CPNE4: variants seen among roughly 807,000 people sequenced by gnomAD.
CPNE4 encodes the protein copine 4.
In CPNE4, 25 loss-of-function variants were observed where a neutral mutation model predicts 67.9. The observed-to-expected ratio is 0.37, with a 90% CI of 0.27 to 0.51. CPNE4 has a LOEUF of 0.51. Ranked by LOEUF, CPNE4 falls within the 20% of genes least tolerant of loss-of-function variation. CPNE4 has a pLI of 0.93. For synonymous variants in CPNE4, 242 were observed against 244.9 expected (o/e 0.99, Z 0.11); for missense variants, 464 against 690.8 (o/e 0.67, Z 3.68).
chr3:131,854,402 TGGG>T (rs1363884452), intron 2 of CPNE4, among the ~76,000 whole-genome samples: 1 of 152,038 alleles, frequency 6.6e-6, no homozygotes, highest in African/African-American at 2.4e-5. Context: ...AAGATTTACT[TGGG>T]TGATGAAACT....
At chr3:131,875,751 CA>C (rs2087419141) in intron 2 of CPNE4, among the ~76,000 whole-genome samples, 2 of 151,996 alleles carry the variant, frequency 1.3e-5, no homozygotes, top group African/African-American at 4.8e-5. Flanking sequence ...TGAATGGGTG[CA>C]GCAGCACACC....
intron 7 of CPNE4, among the ~76,000 whole-genome samples, chr3:131,601,313 A>G (rs1939194061): frequency 6.6e-6 from 1 of 152,130 alleles, no homozygotes; most frequent in African/African-American, 2.4e-5. Flanking sequence ...ACTACAATAG[A>G]CTAGGAATTG....
intron 2 of CPNE4, among the ~76,000 whole-genome samples, chr3:131,793,662 A>C (rs373955994): frequency 9.9e-5 from 15 of 152,150 alleles, no homozygotes; most frequent in African/African-American, 3.6e-4. Context: ...CTGCCTATGG[A>C]CTTTTTCACT....
chr3:131,886,982 G>C (rs1221822590), intron 2 of CPNE4, among the ~76,000 whole-genome samples: 5 of 152,280 alleles, frequency 3.3e-5, no homozygotes, highest in Middle Eastern at 3.4e-3. Context: ...AAGACTTTGG[G>C]GGACTGTCGG....
At chr3:131,591,559 G>A (rs769340905) in intron 7 of CPNE4, among the ~76,000 whole-genome samples, 1 of 152,146 alleles carries the variant, frequency 6.6e-6, no homozygotes. Context: ...TGACCAGCAG[G>A]CCTCCCTGAG....
In CPNE4 at chr3:131,905,195, T is replaced by A. The variant is rs541975436; in HGVS notation, c.180+69A>T. On this transcript the variant is annotated intron_variant, in intron 2 of 15. Coordinates refer to ENST00000429747, the MANE Select transcript of CPNE4 (RefSeq NM_130808.3). ...CATCAAAATAAACCACCTGAAGATA[T>A]AAAATATCAAAACATTTTTGAGCCA... The A allele has an allele frequency of 8.0e-6, 11 of 1,373,194 alleles. No homozygotes were observed. The South Asian group carries it at 8.2e-5, about 10-fold the overall frequency. 85.1% of individuals were successfully genotyped at this position (1,373,194 alleles called of 1,614,324 possible).
chr3:131,567,824 GAA>G (rs748452089), intron 10 of CPNE4, among the ~76,000 whole-genome samples: 4 of 152,006 alleles, frequency 2.6e-5, no homozygotes, highest in African/African-American at 4.8e-5. Context: ...TGAAGATAAT[GAA>G]ACAAGGTACA....
At chr3:132,017,986 C>T (rs1421585709) in intron 1 of CPNE4, among the ~76,000 whole-genome samples, 1 of 152,008 alleles carries the variant, frequency 6.6e-6, no homozygotes, top group East Asian at 1.9e-4. Context: ...CCTAAAGACC[C>T]AGATGCTCAA....
chr3:131,765,628 C>A lies in CPNE4; in HGVS notation c.181-42003G>T, dbSNP rs138801345. On this transcript the variant is annotated intron_variant, in intron 2 of 15. Coordinates refer to ENST00000429747, the MANE Select transcript of CPNE4 (RefSeq NM_130808.3). ...TCAAGGTCCTTTACTATAGTCTAAT[C>A]ATCTTTGCTTGATCAATAGGTTTTC... is the stretch of plus-strand genomic sequence containing the variant. Among the ~76,000 whole-genome samples the A allele has an allele frequency of 9.3e-3, 1,420 of 152,210 alleles. 10 individuals carry two copies. Among genetic ancestry groups the A allele is most frequent in the Non-Finnish European group, 0.014 (930 of 68,010 alleles).
At chr3:131,634,526 A>G (rs138231289) in intron 7 of CPNE4, among the ~76,000 whole-genome samples, 121 of 152,288 alleles carry the variant, frequency 7.9e-4, no homozygotes, top group African/African-American at 2.5e-3. Flanking sequence ...TTTAGAGGCC[A>G]GTAATATCCA....
intron 7 of CPNE4, among the ~76,000 whole-genome samples, chr3:131,661,963 A>G (rs990483273): frequency 2.0e-5 from 3 of 152,084 alleles, no homozygotes; most frequent in African/African-American, 4.8e-5. Flanking sequence ...AGCCCTTTCT[A>G]TGGGTTTGGG....
intron 2 of CPNE4, among the ~76,000 whole-genome samples, chr3:131,843,437 C>T (rs976446388): frequency 1.3e-5 from 2 of 152,088 alleles, no homozygotes; most frequent in African/African-American, 2.4e-5. Flanking sequence ...GAGGGCAAAG[C>T]GATATGGAGC....
intron 6 of CPNE4, among the ~76,000 whole-genome samples, chr3:131,674,761 A>T (rs1030593868): frequency 1.1e-4 from 17 of 151,934 alleles, no homozygotes; most frequent in Admixed American, 6.6e-4. Context: ...CAAAAAACTA[A>T]CTTTTTGTTT....
intron 1 of CPNE4, among the ~76,000 whole-genome samples, chr3:131,928,928 G>A (rs956833892): frequency 6.6e-6 from 1 of 152,150 alleles, no homozygotes; most frequent in African/African-American, 2.4e-5. Flanking sequence ...AGGAGGCTCT[G>A]GATGGTGTCC....
At chr3:131,964,214 A>C (rs1252696917) in intron 1 of CPNE4, among the ~76,000 whole-genome samples, 2 of 152,160 alleles carry the variant, frequency 1.3e-5, no homozygotes, top group Non-Finnish European at 2.9e-5. Flanking sequence ...ACCCCATCCA[A>C]AGGCCATCAG....
chr3:131,600,855 A>G (rs779862957), intron 7 of CPNE4, among the ~76,000 whole-genome samples: 4 of 152,166 alleles, frequency 2.6e-5, no homozygotes, highest in Non-Finnish European at 5.9e-5. Flanking sequence ...TGTGCTCCTT[A>G]TATCTTGCTC....
intron 2 of CPNE4, among the ~76,000 whole-genome samples, chr3:131,762,008 T>A (rs1037538911): frequency 2.0e-5 from 3 of 152,146 alleles, no homozygotes; most frequent in Admixed American, 1.3e-4. Flanking sequence ...GAGGTTTCCC[T>A]GCTTGGGAAA....
At chr3:131,647,400 T>C (rs1001027241) in intron 7 of CPNE4, among the ~76,000 whole-genome samples, 13 of 152,200 alleles carry the variant, frequency 8.5e-5, no homozygotes, top group African/African-American at 2.7e-4. Context: ...GAGAAGAGCA[T>C]TGGCAAAGGA....
intron 2 of CPNE4, among the ~76,000 whole-genome samples, chr3:131,768,070 T>G (rs2083067822): frequency 6.6e-6 from 1 of 152,150 alleles, no homozygotes; most frequent in African/African-American, 2.4e-5. Context: ...GGCTGAGATT[T>G]AGGATTGTAA....
Sources: gnomAD v4.1 joint callset for allele counts (sites outside exome capture counted in the v4.1 genomes callset) on GRCh38, gnomAD v4.1.1 for gene constraint, MANE v1.5 for transcripts, NCBI Gene and HGNC (gene_info 2026-07-23, HGNC 2026-07-21) for gene names.